The following RNF11 variants were observed in gnomAD, a reference collection of about 807,000 sequenced individuals.
RNF11 encodes ring finger protein 11.
RNF11 carries 4 observed loss-of-function variants against 15.8 expected under a neutral mutation model. The observed-to-expected ratio is 0.25, with a 90% CI of 0.12 to 0.58. The LOEUF (loss-of-function observed/expected upper bound fraction) is 0.58, where lower values mean the gene tolerates loss of function less well. RNF11 is among the 20% of genes least tolerant of loss of function. The probability of loss-of-function intolerance (pLI) is 0.91; values close to 1 mark genes in which losing one functional copy is unlikely to be tolerated. For missense variants in RNF11, 139 were observed against 194.4 expected, an observed-to-expected ratio of 0.71 and a Z score of 1.70; for synonymous variants, 68 against 72.3, an observed-to-expected ratio of 0.94 and a Z score of 0.30.
At chr1:51,240,357 C>G (rs915047537) in intron 1 of RNF11, among the ~76,000 whole-genome samples, 7 of 152,148 alleles carry the variant, frequency 4.6e-5, no homozygotes, top group African/African-American at 1.7e-4. Flanking sequence ...TCCTTCAAGT[C>G]TTTTCTCACT....
intron 1 of RNF11, among the ~76,000 whole-genome samples, chr1:51,249,345 C>A (rs1208204260): frequency 6.6e-6 from 1 of 152,184 alleles, no homozygotes; most frequent in Non-Finnish European, 1.5e-5. Flanking sequence ...ATCTTCCTGC[C>A]TCAGCCTCCC....
chr1:51,240,547 A>AT (rs61666021), intron 1 of RNF11, among the ~76,000 whole-genome samples: 76 of 147,688 alleles, frequency 5.1e-4, no homozygotes, highest in East Asian at 9.9e-4. Context: ...AGGAAAGGGG[A>AT]TTTTTTTTTT....
intron 1 of RNF11, among the ~76,000 whole-genome samples, chr1:51,264,287 A>AAAATATAT (rs1557682286): frequency 3.1e-5 from 1 of 32,526 alleles, no homozygotes; most frequent in African/African-American, 1.0e-4. Flanking sequence ...AAAAAAAAAA[A>AAAATATAT]ATATATATAT....
At chr1:51,241,547 A>G (rs1035766823) in intron 1 of RNF11, among the ~76,000 whole-genome samples, 1 of 152,236 alleles carries the variant, frequency 6.6e-6, no homozygotes, top group African/African-American at 2.4e-5. Context: ...TTTACCGTGT[A>G]TATATATCAC....
chr1:51,244,682 G>A (rs1382139539), intron 1 of RNF11, among the ~76,000 whole-genome samples: 1 of 152,056 alleles, frequency 6.6e-6, no homozygotes. Context: ...CCTGAATTTG[G>A]TTTTGTGTTC....
intron 1 of RNF11, among the ~76,000 whole-genome samples, chr1:51,249,046 C>T (rs538814105): frequency 2.6e-5 from 4 of 152,082 alleles, no homozygotes; most frequent in Non-Finnish European, 5.9e-5. Context: ...GCAAATATGC[C>T]ATTTTATATA....
intron 1 of RNF11, among the ~76,000 whole-genome samples, chr1:51,239,486 C>T (rs1646819339): frequency 6.6e-6 from 1 of 152,008 alleles, no homozygotes; most frequent in African/African-American, 2.4e-5. Flanking sequence ...AAAGTATTGT[C>T]CCCCACCCCC....
At chr1:51,266,339 T>C (rs1452133114) in intron 1 of RNF11, among the ~76,000 whole-genome samples, 1 of 152,200 alleles carries the variant, frequency 6.6e-6, no homozygotes, top group African/African-American at 2.4e-5. Context: ...ATGTTGGGTG[T>C]AATTTATATC....
At chr1:51,238,874 C>T (rs1318502711) in intron 1 of RNF11, among the ~76,000 whole-genome samples, 2 of 152,014 alleles carry the variant, frequency 1.3e-5, no homozygotes, top group Non-Finnish European at 2.9e-5. Flanking sequence ...GGATTACAGG[C>T]GCGTGCCACC....
intron 1 of RNF11, among the ~76,000 whole-genome samples, chr1:51,255,651 G>A (rs988271304): frequency 3.3e-5 from 5 of 152,180 alleles, no homozygotes; most frequent in African/African-American, 1.2e-4. Context: ...GGAGCTTTTG[G>A]TATGTTCAAG....
At chr1:51,245,256 A>C (rs1646846539) in intron 1 of RNF11, among the ~76,000 whole-genome samples, 1 of 151,330 alleles carries the variant, frequency 6.6e-6, no homozygotes, top group Non-Finnish European at 1.5e-5. Flanking sequence ...CGGGTCAAGC[A>C]GTCCTCCCAT....
intron 1 of RNF11, among the ~76,000 whole-genome samples, chr1:51,267,646 C>G (rs1646960957): frequency 6.6e-6 from 1 of 152,210 alleles, no homozygotes; most frequent in South Asian, 2.1e-4. Context: ...TGACAAAATT[C>G]CTGATTCTCA....
chr1:51,240,379 CCTT>C (rs1291956171), intron 1 of RNF11, among the ~76,000 whole-genome samples: 3 of 152,226 alleles, frequency 2.0e-5, no homozygotes, highest in Non-Finnish European at 4.4e-5. Flanking sequence ...CCCCCTTAAA[CCTT>C]CTCTGACCAC....
chr1:51,270,898 C>T (rs890935755), intron 2 of RNF11, among the ~76,000 whole-genome samples: 3 of 152,194 alleles, frequency 2.0e-5, no homozygotes, highest in African/African-American at 7.2e-5. Context: ...AGATTTGATG[C>T]ATATGTAATC....
intron 1 of RNF11, among the ~76,000 whole-genome samples, chr1:51,253,620 A>G (rs972048643): frequency 6.6e-6 from 1 of 152,050 alleles, no homozygotes; most frequent in Non-Finnish European, 1.5e-5. Context: ...AAGTAAAATG[A>G]TCTCCATGTT....
At chr1:51,251,881 C>T (rs544003173) in intron 1 of RNF11, among the ~76,000 whole-genome samples, 3 of 152,136 alleles carry the variant, frequency 2.0e-5, no homozygotes, top group South Asian at 4.1e-4. Context: ...GAGTTTGCGA[C>T]GAGCCTGGCC....
chr1:51,243,358 A>G (rs974837390), intron 1 of RNF11, among the ~76,000 whole-genome samples: 1 of 152,134 alleles, frequency 6.6e-6, no homozygotes, highest in East Asian at 1.9e-4. Flanking sequence ...TCTCCTCCTC[A>G]TTCATTTTAT....
At chr1:51,264,523 G>A (rs1646946824) in intron 1 of RNF11, among the ~76,000 whole-genome samples, 1 of 151,836 alleles carries the variant, frequency 6.6e-6, no homozygotes, top group South Asian at 2.1e-4. Flanking sequence ...ATGTCAGTCT[G>A]GCAAAATTCA....
At chr1:51,250,548 A>AT in intron 1 of RNF11, 1 of 573,378 alleles carries the variant, frequency 1.7e-6, no homozygotes, top group Non-Finnish European at 3.1e-6. Context: ...GATTTGTGAC[A>AT]ATTTTTTTTT....
Sources: allele counts gnomAD v4.1 joint callset (sites outside exome capture counted in the v4.1 genomes callset), GRCh38; gene constraint gnomAD v4.1.1; transcripts MANE v1.5; gene names NCBI Gene and HGNC (gene_info 2026-07-23, HGNC 2026-07-21).